The following PLXNA1 variants were observed in gnomAD, a reference collection of about 807,000 sequenced individuals.
The protein encoded by PLXNA1 is plexin A1.
Under a neutral mutation model 191.7 loss-of-function variants are expected in PLXNA1, and 77 were observed. That is an observed-to-expected ratio of 0.40 (90% confidence interval 0.33 to 0.49). PLXNA1 has a LOEUF of 0.49. Ranked by LOEUF, PLXNA1 falls within the 20% of genes least tolerant of loss-of-function variation. PLXNA1 has a pLI of 0.63. For missense variants in PLXNA1, 2,110 were observed against 2,660.2 expected, an observed-to-expected ratio of 0.79 and a Z score of 4.55; for synonymous variants, 1,137 against 1,156.4, an observed-to-expected ratio of 0.98 and a Z score of 0.34.
chr3:126,989,772 G>C lies in PLXNA1; in HGVS notation c.1179G>C (p.Leu393=), dbSNP rs1169383261. 4.4e-6 allele frequency: 7 copies of C among 1,606,860 alleles called. No homozygotes were observed. The Admixed American group carries it at 1.0e-4, about 23-fold the overall frequency. Residue 393 remains leucine, a synonymous_variant, in exon 2 of 32, where the codon CTG becomes CTC. Coordinates refer to ENST00000393409, the MANE Select transcript of PLXNA1 (RefSeq NM_032242.4). ...LSLPWLLNKE[L]GCINSPLQID... is the part of the protein sequence containing the mutation. ...TGCCGTGGCTGCTCAACAAGGAGCTGGGCTGCATCAACTCGGTGAGTTGGG... is the reference window on the plus strand; with the variant it reads ...TGCCGTGGCTGCTCAACAAGGAGCTCGGCTGCATCAACTCGGTGAGTTGGG...
chr3:127,030,670 G>A (rs1340113661), intron 29 of PLXNA1, among the ~76,000 whole-genome samples: 2 of 152,242 alleles, frequency 1.3e-5, no homozygotes, highest in Non-Finnish European at 2.9e-5. Flanking sequence ...GGTGTGAGTG[G>A]CTCTGGGTGT....
chr3:127,011,885 C>T, intron 9 of PLXNA1, 73 bp from the exon 10 acceptor site: 1 of 1,394,076 alleles, frequency 7.2e-7, no homozygotes. Context: ...CAGTGCACAT[C>T]TGGAGCGTAG....
Position 127,016,616 on chromosome 3 carries a change from T to A in PLXNA1, c.3114T>A (p.Pro1038=). 6.2e-7 allele frequency: 1 copy of A among 1,613,962 alleles called. No individual in the cohort carries two copies. The highest frequency in any genetic ancestry group is 8.5e-7 in the Non-Finnish European group (1 of 1,179,972). ...TCAACCGCGCCCAGCTCACCAACCCTGAGGTGAAGTACAACTACACCGAGG... is the reference window on the plus strand; with the variant it reads ...TCAACCGCGCCCAGCTCACCAACCCAGAGGTGAAGTACAACTACACCGAGG... ...ININRAQLTN[P]EVKYNYTEDP... is the part of the protein sequence containing the mutation. Residue 1038 remains proline (P), a synonymous_variant, in exon 16 of 32, where the codon CCT becomes CCA. Transcript: ENST00000393409.
At chr3:127,005,520 G>T (rs547351949) in intron 7 of PLXNA1, among the ~76,000 whole-genome samples, 1 of 152,292 alleles carries the variant, frequency 6.6e-6, no homozygotes, top group South Asian at 2.1e-4. Context: ...TTTACAGTAG[G>T]AATAGCCATA....
At chr3:127,003,204 T>G in intron 3 of PLXNA1, 126 bp from the exon 4 acceptor site, 3 of 1,075,844 alleles carry the variant, frequency 2.8e-6, no homozygotes, top group Non-Finnish European at 3.8e-6. Flanking sequence ...CTGGCGCTGG[T>G]CCTCTCTGCT....
chr3:126,988,621 G>T lies in PLXNA1; in HGVS notation c.28G>T (p.Val10Leu). 1 of 1,566,448 alleles carries T rather than the reference G, an allele frequency of 6.4e-7. No homozygotes were observed. The highest frequency in any genetic ancestry group is 8.6e-7 in the Non-Finnish European group (1 of 1,157,078). ...GCCGCTGCCACCGCGGAGCCTGCAG[G>T]TGCTCCTGCTGCTGCTGCTGTTGCT... The part of the protein sequence containing the change: MPLPPRSLQ[V>L]LLLLLLLLLL... Residue 10 changes from valine to leucine, a missense_variant, in exon 2 of 32, where the codon GTG becomes TTG. Transcript: ENST00000393409.
rs984630875 is a variant in PLXNA1, at chr3:127,004,492, CTG to C, written c.1519-118_1519-117del. ...GTCACCAGATCTGCCTTTGAATAGA[CTG>C]AGAACAAGTGCAGGGCCTCCCCGGG... On this transcript the variant is annotated intron_variant, in intron 4 of 31. Transcript: ENST00000393409. The C allele has an allele frequency of 4.0e-6, 3 of 745,662 alleles. No homozygotes were observed. The African/African-American group carries it at 5.2e-5, about 13-fold the overall frequency. 46.2% of individuals were successfully genotyped at this position (745,662 alleles called of 1,614,324 possible). A position where few individuals can be genotyped will look rare whatever the true frequency, so the allele number is the denominator to read the frequency against.
At chr3:127,028,914 C>A in intron 25 of PLXNA1, 79 bp from the exon 26 acceptor site, 1 of 1,091,184 alleles carries the variant, frequency 9.2e-7, no homozygotes, top group Non-Finnish European at 1.4e-6. Flanking sequence ...GCAGGCAGGC[C>A]CCGTCCCACT....
At chr3:126,991,274 AC>A (rs1261710257) in intron 2 of PLXNA1, 109 bp from the exon 3 acceptor site, 16 of 1,205,618 alleles carry the variant, frequency 1.3e-5, no homozygotes, top group Non-Finnish European at 1.9e-5. Context: ...TCTGGGGGCT[AC>A]CCCCAACCTC....
chr3:127,008,963 G>A (rs1193565449), intron 9 of PLXNA1, among the ~76,000 whole-genome samples: 1 of 152,162 alleles, frequency 6.6e-6, no homozygotes, highest in Admixed American at 6.5e-5. Flanking sequence ...CAGGAGCCAG[G>A]GACACAGTGG....
rs536679303 is a variant in PLXNA1, at chr3:127,032,326, A to G, written c.5232-61A>G. ...TGGATTCGGAGCTGGGAGGGCCACA[A>G]GGTCACTGCTCAGGAGGGAGCAGAG... On this transcript the variant is annotated intron_variant, in intron 29 of 31. Coordinates refer to ENST00000393409, the MANE Select transcript of PLXNA1 (RefSeq NM_032242.4). 1.1e-5 allele frequency: 17 copies of G among 1,528,192 alleles called. No homozygotes were observed. The African/African-American group carries it at 1.9e-4, about 17-fold the overall frequency. 94.7% of individuals were successfully genotyped at this position (1,528,192 alleles called of 1,614,324 possible).
intron 29 of PLXNA1, among the ~76,000 whole-genome samples, chr3:127,031,678 C>G (rs2079212093): frequency 1.3e-5 from 2 of 152,176 alleles, no homozygotes; most frequent in Admixed American, 1.3e-4. Flanking sequence ...CTCGCGGAGT[C>G]TAGGATTTAA....
intron 8 of PLXNA1, among the ~76,000 whole-genome samples, chr3:127,006,528 T>C (rs2079069698): frequency 6.6e-6 from 1 of 152,152 alleles, no homozygotes; most frequent in Non-Finnish European, 1.5e-5. Context: ...AAGGGCACAT[T>C]GTGCAATGTT....
chr3:127,014,917 T>G (rs2079115306), intron 14 of PLXNA1, 86 bp downstream of exon 14: 3 of 1,532,148 alleles, frequency 2.0e-6, no homozygotes, highest in Admixed American at 3.8e-5. Context: ...TCAGGGCCCC[T>G]TGTCTGGCCA....
intron 2 of PLXNA1, among the ~76,000 whole-genome samples, chr3:126,990,245 C>T (rs1404895484): frequency 1.3e-5 from 2 of 152,248 alleles, no homozygotes; most frequent in Non-Finnish European, 2.9e-5. Flanking sequence ...GCCCAGACAC[C>T]ATTTCCATGG....
At chr3:126,999,332 C>T (rs2079028862) in intron 3 of PLXNA1, among the ~76,000 whole-genome samples, 1 of 152,210 alleles carries the variant, frequency 6.6e-6, no homozygotes, top group African/African-American at 2.4e-5. Context: ...CCGGTCTTTG[C>T]CTGTCCCCAC....
chr3:127,005,202 C>T lies in PLXNA1; in HGVS notation c.1856C>T (p.Ser619Leu). The T allele has an allele frequency of 6.2e-7, 1 of 1,611,658 alleles. No individual in the cohort carries two copies. Among genetic ancestry groups the T allele is most frequent in the South Asian group, 1.1e-5 (1 of 90,786 alleles). The change falls in exon 7 of 32, where the codon TCA (serine) becomes TTA (leucine). Residue 619 changes from serine (S) to leucine (L), a missense_variant. Physicochemically the swap from Ser to Leu is moderately radical, Grantham distance 145 (BLOSUM62 -2). Around this residue, in one of 4 missense-constraint regions of PLXNA1, gnomAD observed 903 missense variants for 1,015.7 expected, o/e 0.89. Transcript: ENST00000393409. The stretch of plus-strand genomic sequence containing the variant: ...GAGGATGGCCGGATCCACTGCCGCT[C>T]ACCCTCCGCCCGGGAGGTGGCGCCC... ...VLEDGRIHCR[S>L]PSAREVAPIT... is the part of the protein sequence containing the mutation.
chr3:127,030,213 G>A (rs2079201710), intron 28 of PLXNA1, 30 bp from the exon 29 acceptor site: 1 of 1,607,930 alleles, frequency 6.2e-7, no homozygotes, highest in East Asian at 2.2e-5. Flanking sequence ...CAGCGCCCTG[G>A]GGCTCAGTGT....
At chr3:126,992,227 G>A (rs4679138) in intron 3 of PLXNA1, among the ~76,000 whole-genome samples, 86,949 of 152,022 alleles carry the variant, frequency 0.57, 27,055 homozygotes, top group Non-Finnish European at 0.69. Context: ...CCTGGAGGGT[G>A]TGGGTGGAGG....
Sources: gnomAD v4.1 joint callset for allele counts (sites outside exome capture counted in the v4.1 genomes callset) on GRCh38, gnomAD v4.1.1 for gene constraint, gnomAD v4.1.1 regional missense constraint, MANE v1.5 for transcripts, NCBI Gene and HGNC (gene_info 2026-07-23, HGNC 2026-07-21) for gene names.